Variants in ATP11A observed in about 807,000 individuals in gnomAD.
ATP11A encodes the protein phospholipid-transporting ATPase IH.
In ATP11A, 81 loss-of-function variants were observed where a neutral mutation model predicts 154.4. The observed-to-expected ratio is 0.52, with a 90% confidence interval of 0.44 to 0.63. The LOEUF (loss-of-function observed/expected upper bound fraction) is 0.63, where lower values mean the gene tolerates loss of function less well. Among genes scored for constraint, ATP11A ranks in the 30% least tolerant of loss-of-function variants. The probability of loss-of-function intolerance (pLI) is 0.00; values close to 1 mark genes in which losing one functional copy is unlikely to be tolerated. For synonymous variants in ATP11A, 623 were observed against 585.9 expected (o/e 1.06, Z -0.91); for missense variants, 1,316 against 1,474.3 (o/e 0.89, Z 1.76).
At chr13:112,749,135 T>C (rs1299614720) in intron 1 of ATP11A, among the ~76,000 whole-genome samples, 1 of 152,232 alleles carries the variant, frequency 6.6e-6, no homozygotes, top group East Asian at 1.9e-4. Flanking sequence ...AGCATGAGGC[T>C]GTCTGCTCTG....
intron 1 of ATP11A, among the ~76,000 whole-genome samples, chr13:112,733,385 G>T (rs955652729): frequency 2.0e-5 from 3 of 152,238 alleles, no homozygotes; most frequent in Admixed American, 1.3e-4. Context: ...TGTAGAGCTT[G>T]TTTGATGCAG....
chr13:112,881,697 G>C, intron 29 of ATP11A, 179 bp from the exon 30 acceptor site: 1 of 1,277,028 alleles, frequency 7.8e-7, no homozygotes, highest in Non-Finnish European at 1.0e-6. Flanking sequence ...GTCCTGAGTT[G>C]AGTCTAGCAG....
At chr13:112,694,872 T>G (rs1885614320) in intron 1 of ATP11A, among the ~76,000 whole-genome samples, 1 of 152,230 alleles carries the variant, frequency 6.6e-6, no homozygotes, top group Admixed American at 6.5e-5. Context: ...TAAACATTTT[T>G]GCTTCCCGAG....
In ATP11A at chr13:112,753,445, C is replaced by G. The variant is rs1243962657; in HGVS notation, c.40-31690C>G. 6.6e-6 allele frequency among the ~76,000 whole-genome samples: 1 copy of G among 152,218 alleles called. No individual in the cohort carries two copies. Among genetic ancestry groups the G allele is most frequent in the Non-Finnish European group, 1.5e-5 (1 of 68,040 alleles). ...GATGCCTGTTCTCCACCTACCTCGCCAGCAGCCTGCGCTGCCCGGCTTGCC... is the reference window on the plus strand; with the variant it reads ...GATGCCTGTTCTCCACCTACCTCGCGAGCAGCCTGCGCTGCCCGGCTTGCC... On this transcript the variant is annotated intron_variant, in intron 1 of 29. Transcript: ENST00000375645. This position sits in a 1 kb window ranked among gnomAD's most constrained non-coding sequence, Gnocchi z 4.1.
At chr13:112,866,181 C>T (rs1180477117) in intron 25 of ATP11A, among the ~76,000 whole-genome samples, 1 of 152,188 alleles carries the variant, frequency 6.6e-6, no homozygotes, top group Non-Finnish European at 1.5e-5. Flanking sequence ...GTAAGACAAT[C>T]ATGGGTTTGT....
At chr13:112,864,314 C>T (rs2080238523) in intron 25 of ATP11A, among the ~76,000 whole-genome samples, 1 of 101,220 alleles carries the variant, frequency 9.9e-6, no homozygotes, top group Admixed American at 1.2e-4. Context: ...CCAGCGGGGT[C>T]CATCACCACA....
intron 24 of ATP11A, chr13:112,860,648 G>T: frequency 2.1e-6 from 1 of 465,400 alleles, no homozygotes; most frequent in Admixed American, 3.4e-5. Flanking sequence ...TCTGTGTGGA[G>T]CCAGTTTGCA....
chr13:112,819,292 G>A lies in ATP11A; in HGVS notation c.571-12G>A, dbSNP rs766414184. On this transcript the variant is annotated splice_polypyrimidine_tract_variant and intron_variant, in intron 6 of 29. Coordinates refer to ENST00000375645, the MANE Select transcript of ATP11A (RefSeq NM_015205.3). The stretch of plus-strand genomic sequence containing the variant: ...TTTTGGCGGTGAGCTCACATGTCTT[G>A]TGCATTTGTAGACGCATTACGCGGT... 4.3e-6 allele frequency: 7 copies of A among 1,613,420 alleles called. No homozygotes were observed. The highest frequency in any genetic ancestry group is 2.2e-5 in the South Asian group (2 of 91,052).
At chr13:112,878,660 C>T (rs990738540) in intron 29 of ATP11A, among the ~76,000 whole-genome samples, 2 of 152,316 alleles carry the variant, frequency 1.3e-5, no homozygotes, top group Admixed American at 6.5e-5. Flanking sequence ...GTTTGCAATT[C>T]ACAGGTCATC....
intron 2 of ATP11A, among the ~76,000 whole-genome samples, chr13:112,792,764 G>A (rs957327540): frequency 6.6e-6 from 1 of 152,144 alleles, no homozygotes; most frequent in Non-Finnish European, 1.5e-5. Flanking sequence ...CACCCCCCAC[G>A]TGGGGAATCC....
intron 18 of ATP11A, 174 bp downstream of exon 18, chr13:112,851,392 G>C (rs2079762216): frequency 1.9e-6 from 1 of 515,744 alleles, no homozygotes; most frequent in Non-Finnish European, 3.4e-6. Context: ...ATGTCAGGAA[G>C]GTCATGCCTG....
chr13:112,852,953 G>C (rs1479432439), intron 18 of ATP11A, among the ~76,000 whole-genome samples: 1 of 152,208 alleles, frequency 6.6e-6, no homozygotes, highest in African/African-American at 2.4e-5. Flanking sequence ...AGGCCCGGTG[G>C]AGCACGCTTG....
intron 1 of ATP11A, among the ~76,000 whole-genome samples, chr13:112,756,010 T>G (rs559374389): frequency 9.9e-5 from 15 of 151,900 alleles, no homozygotes; most frequent in Admixed American, 8.5e-4. Flanking sequence ...GAAACGGCAC[T>G]CAGAGCGGCT....
chr13:112,752,699 A>G (rs1240475236), intron 1 of ATP11A, among the ~76,000 whole-genome samples: 1 of 152,248 alleles, frequency 6.6e-6, no homozygotes, highest in Non-Finnish European at 1.5e-5. Context: ...ACAACACAGA[A>G]TACCGTAATG....
At chr13:112,811,081 A>G (rs936630380) in intron 5 of ATP11A, among the ~76,000 whole-genome samples, 1 of 122,314 alleles carries the variant, frequency 8.2e-6, no homozygotes, top group East Asian at 2.3e-4. Context: ...TTTAATTTTT[A>G]TTTGTTTATG....
At chr13:112,770,396 G>T (rs1211931090) in intron 1 of ATP11A, among the ~76,000 whole-genome samples, 1 of 152,128 alleles carries the variant, frequency 6.6e-6, no homozygotes, top group Non-Finnish European at 1.5e-5. Flanking sequence ...CCTGAGATTT[G>T]TTTGAGGAAG....
chr13:112,781,454 A>G (rs1424981214), intron 1 of ATP11A, among the ~76,000 whole-genome samples: 1 of 152,182 alleles, frequency 6.6e-6, no homozygotes, highest in East Asian at 1.9e-4. Context: ...TTTCGTTGCT[A>G]ACTGTACAGA....
At chr13:112,739,416 C>T (rs1378893753) in intron 1 of ATP11A, among the ~76,000 whole-genome samples, 1 of 152,142 alleles carries the variant, frequency 6.6e-6, no homozygotes, top group African/African-American at 2.4e-5. Context: ...CAAATAAAAA[C>T]TTTATGCTTC....
chr13:112,764,133 G>T (rs1191051418), intron 1 of ATP11A, among the ~76,000 whole-genome samples: 1 of 152,196 alleles, frequency 6.6e-6, no homozygotes, highest in Admixed American at 6.5e-5. Flanking sequence ...GCCCTGTTTG[G>T]CCGTAGCCCC....
Sources: gnomAD v4.1 joint callset for allele counts (sites outside exome capture counted in the v4.1 genomes callset) on GRCh38, gnomAD v4.1.1 for gene constraint, Gnocchi (gnomAD v3.1) non-coding constraint, MANE v1.5 for transcripts, NCBI Gene and HGNC (gene_info 2026-07-23, HGNC 2026-07-21) for gene names.